ARHGAP24: variants seen among roughly 807,000 people sequenced by gnomAD.
ARHGAP24 encodes Rho GTPase activating protein 24.
A neutral mutation model predicts 76.4 loss-of-function variants in ARHGAP24; 50 were observed. The observed-to-expected ratio is 0.65, with a 90% CI of 0.52 to 0.83. ARHGAP24 has a LOEUF of 0.83. Ranked by LOEUF, ARHGAP24 falls within the 40% of genes least tolerant of loss-of-function variation. The probability of loss-of-function intolerance (pLI) is 0.00; values close to 1 mark genes in which losing one functional copy is unlikely to be tolerated. For synonymous variants in ARHGAP24, 345 were observed against 323.3 expected (o/e 1.07, Z -0.72); for missense variants, 930 against 914.2 (o/e 1.02, Z -0.22).
chr4:85,804,397 T>C (rs920206115), intron 3 of ARHGAP24, among the ~76,000 whole-genome samples: 9 of 152,188 alleles, frequency 5.9e-5, no homozygotes, highest in Non-Finnish European at 8.8e-5. Flanking sequence ...TAAAATATAA[T>C]ATACTATGTA....
At chr4:85,913,058 A>G (rs540838022) in intron 3 of ARHGAP24, among the ~76,000 whole-genome samples, 51 of 152,254 alleles carry the variant, frequency 3.3e-4, no homozygotes, top group Admixed American at 1.0e-3. Context: ...CTCTCCAATG[A>G]ATAATTCCCA....
Position 85,724,821 on chromosome 4 carries a change from G to T in ARHGAP24, c.268+2849G>T, listed in dbSNP as rs561655545. On this transcript the variant is annotated intron_variant, in intron 3 of 9. Transcript: ENST00000395184. Reference sequence around the variant, plus strand: ...TAATGCCATGAGTTATAGATTTTTCGCTCCAAATTTTTCCTATTTCTCTAC... The same window carrying T: ...TAATGCCATGAGTTATAGATTTTTCTCTCCAAATTTTTCCTATTTCTCTAC... 4.0e-5 allele frequency among the ~76,000 whole-genome samples: 6 copies of T among 151,832 alleles called. No homozygotes were observed. In the East Asian group the frequency reaches 9.7e-4, roughly 25 times the overall value.
intron 2 of ARHGAP24, among the ~76,000 whole-genome samples, chr4:85,628,089 C>G (rs1026693438): frequency 6.6e-6 from 1 of 152,116 alleles, no homozygotes; most frequent in East Asian, 1.9e-4. Flanking sequence ...CTTTCCTGCA[C>G]CTACTGTCTG....
At chr4:85,747,903 T>C (rs1726112238) in intron 3 of ARHGAP24, among the ~76,000 whole-genome samples, 1 of 152,218 alleles carries the variant, frequency 6.6e-6, no homozygotes, top group South Asian at 2.1e-4. Context: ...GAGGGGACAA[T>C]GTTTTAAAAT....
intron 2 of ARHGAP24, among the ~76,000 whole-genome samples, chr4:85,577,594 T>C (rs1727433203): frequency 6.6e-6 from 1 of 152,194 alleles, no homozygotes; most frequent in Admixed American, 6.5e-5. Context: ...GTGAGAACTG[T>C]CTGCTATACG....
chr4:85,644,822 T>C (rs1721663646), intron 2 of ARHGAP24, among the ~76,000 whole-genome samples: 1 of 152,084 alleles, frequency 6.6e-6, no homozygotes, highest in Non-Finnish European at 1.5e-5. Flanking sequence ...ATTTTAATTA[T>C]ATGACAATTA....
intron 3 of ARHGAP24, among the ~76,000 whole-genome samples, chr4:85,795,814 T>C (rs1386581372): frequency 6.6e-6 from 1 of 152,228 alleles, no homozygotes; most frequent in East Asian, 1.9e-4. Context: ...GTAGTATTTC[T>C]TTGCTTAAGG....
intron 3 of ARHGAP24, among the ~76,000 whole-genome samples, chr4:85,873,949 A>G (rs539331903): frequency 4.6e-5 from 7 of 152,334 alleles, no homozygotes; most frequent in Non-Finnish European, 8.8e-5. Flanking sequence ...ATTTTTCATT[A>G]TAGAAAAACA....
chr4:85,850,234 G>A (rs887704037), intron 3 of ARHGAP24, among the ~76,000 whole-genome samples: 58 of 151,934 alleles, frequency 3.8e-4, no homozygotes, highest in African/African-American at 8.2e-4. Context: ...GTTTATTTGC[G>A]TAGAGGTGTT....
intron 1 of ARHGAP24, among the ~76,000 whole-genome samples, chr4:85,490,378 C>T (rs1723305527): frequency 6.6e-6 from 1 of 152,146 alleles, no homozygotes; most frequent in Admixed American, 6.5e-5. Context: ...GCCTCTGGTT[C>T]ATAGGAACCA....
intron 1 of ARHGAP24, among the ~76,000 whole-genome samples, chr4:85,490,984 C>G (rs1274337615): frequency 1.3e-5 from 2 of 152,128 alleles, no homozygotes; most frequent in Non-Finnish European, 2.9e-5. Flanking sequence ...TTTGCCTTTG[C>G]TTAATATAAT....
chr4:85,927,519 A>G (rs1736084466), intron 4 of ARHGAP24, among the ~76,000 whole-genome samples: 1 of 152,214 alleles, frequency 6.6e-6, no homozygotes, highest in South Asian at 2.1e-4. Flanking sequence ...AAGCTGTTTA[A>G]AAAATTCTGA....
At chr4:85,651,077 G>T (rs1721925089) in intron 2 of ARHGAP24, among the ~76,000 whole-genome samples, 1 of 149,194 alleles carries the variant, frequency 6.7e-6, no homozygotes, top group African/African-American at 2.6e-5. Context: ...CCAGGTGGAA[G>T]CAGCAGCGTA....
At chr4:85,491,036 T>G (rs1179280194) in intron 1 of ARHGAP24, among the ~76,000 whole-genome samples, 1 of 152,180 alleles carries the variant, frequency 6.6e-6, no homozygotes, top group Non-Finnish European at 1.5e-5. Flanking sequence ...TTAAGCAAGA[T>G]TGAATCTTTT....
chr4:85,680,745 A>G (rs1723174583), intron 2 of ARHGAP24, among the ~76,000 whole-genome samples: 2 of 150,108 alleles, frequency 1.3e-5, no homozygotes, highest in Admixed American at 6.7e-5. Flanking sequence ...ATGTCTTTGC[A>G]TTATTCCCCA....
intron 3 of ARHGAP24, among the ~76,000 whole-genome samples, chr4:85,754,745 C>G (rs537016226): frequency 6.6e-6 from 1 of 152,248 alleles, no homozygotes; most frequent in South Asian, 2.1e-4. Context: ...GAACATCTGC[C>G]AAATACTACA....
chr4:85,493,563 A>AT (rs1321725672), intron 1 of ARHGAP24, among the ~76,000 whole-genome samples: 2 of 152,140 alleles, frequency 1.3e-5, no homozygotes, highest in African/African-American at 4.8e-5. Context: ...ACATTTGACC[A>AT]TTGGAAGCCC....
chr4:85,801,242 T>G (rs2110104535), intron 3 of ARHGAP24, among the ~76,000 whole-genome samples: 1 of 152,316 alleles, frequency 6.6e-6, no homozygotes, highest in East Asian at 1.9e-4. Context: ...CCTATTATAA[T>G]GCCCACCAGA....
intron 5 of ARHGAP24, among the ~76,000 whole-genome samples, chr4:85,969,407 C>T (rs1738826322): frequency 6.6e-6 from 1 of 151,780 alleles, no homozygotes. Flanking sequence ...TATTTGATAG[C>T]TTCTGTTTAT....
Sources: gnomAD v4.1 joint callset for allele counts (sites outside exome capture counted in the v4.1 genomes callset) on GRCh38, gnomAD v4.1.1 for gene constraint, MANE v1.5 for transcripts, NCBI Gene and HGNC (gene_info 2026-07-23, HGNC 2026-07-21) for gene names.